TMPRSS9: variants seen among roughly 807,000 people sequenced by gnomAD.
TMPRSS9 encodes the protein transmembrane serine protease 9, also known as transmembrane protease serine 9.
Under a neutral mutation model 111.4 loss-of-function variants are expected in TMPRSS9, and 113 were observed. The ratio of observed to expected loss-of-function variants is 1.01; its 90% CI spans 0.87 to 1.19. TMPRSS9 has a LOEUF of 1.19. Among genes scored for constraint, TMPRSS9 ranks in the 50% most tolerant of loss-of-function variants. The probability of loss-of-function intolerance (pLI) is 0.00; values close to 1 mark genes in which losing one functional copy is unlikely to be tolerated. For missense variants in TMPRSS9, 1,803 were observed against 1,513.1 expected (o/e 1.19, Z -3.18); for synonymous variants, 805 against 659.1 (o/e 1.22, Z -3.39).
chr19:2,396,321 A>C (rs935781148), intron 1 of TMPRSS9: 1 of 509,702 alleles, frequency 2.0e-6, no homozygotes, highest in African/African-American at 1.9e-5. Flanking sequence ...GGTGGCTGTC[A>C]TAGAATTCGG....
At chr19:2,390,072 G>T (rs529417437) in intron 1 of TMPRSS9, 145 bp downstream of exon 2, 14 of 1,014,412 alleles carry the variant, frequency 1.4e-5, no homozygotes, top group South Asian at 3.3e-5. Context: ...TAGGCCAGGC[G>T]GGTGGGCGGG....
intron 10 of TMPRSS9, among the ~76,000 whole-genome samples, chr19:2,415,112 T>C (rs1971196708): frequency 6.6e-6 from 1 of 151,616 alleles, no homozygotes; most frequent in African/African-American, 2.4e-5. Context: ...GCTTGGCTAA[T>C]TTTTGTATTT....
chr19:2,416,804 G>T, exon 12 of TMPRSS9: 1 of 1,607,638 alleles, frequency 6.2e-7, no homozygotes. Flanking sequence ...ACGCAGGAAG[G>T]AAATGGTGAG....
chr19:2,367,656 C>G (rs534086172), intron 1 of TMPRSS9, among the ~76,000 whole-genome samples: 2 of 150,816 alleles, frequency 1.3e-5, no homozygotes, highest in Non-Finnish European at 3.0e-5. Flanking sequence ...TTCTGCCTCC[C>G]GGGTTGACAC....
At chr19:2,423,078 T>A (rs76596907) in intron 14 of TMPRSS9, among the ~76,000 whole-genome samples, 6 of 146,122 alleles carry the variant, frequency 4.1e-5, no homozygotes, top group African/African-American at 7.7e-5. Flanking sequence ...AAAAAAAAAA[T>A]GAAAGCAGGG....
chr19:2,392,175 C>T (rs1407944852), intron 1 of TMPRSS9, among the ~76,000 whole-genome samples: 4 of 151,636 alleles, frequency 2.6e-5, no homozygotes, highest in Non-Finnish European at 5.9e-5. Context: ...ATAGCAAGAC[C>T]CCATCTCTAC....
intron 13 of TMPRSS9, among the ~76,000 whole-genome samples, chr19:2,421,128 C>A (rs549033733): frequency 6.6e-6 from 1 of 151,110 alleles, no homozygotes; most frequent in Non-Finnish European, 1.5e-5. Flanking sequence ...ATCACTTGAA[C>A]CCAGGAGGTG....
intron 1 of TMPRSS9, among the ~76,000 whole-genome samples, chr19:2,375,302 A>T (rs1485626943): frequency 6.6e-6 from 1 of 152,208 alleles, no homozygotes; most frequent in Non-Finnish European, 1.5e-5. Flanking sequence ...AAGGATCCAA[A>T]AGAACTTGGT....
chr19:2,416,804 G>A (rs1290367791), exon 12 of TMPRSS9: 8 of 1,607,520 alleles, frequency 5.0e-6, no homozygotes, highest in African/African-American at 2.7e-5. Context: ...ACGCAGGAAG[G>A]AAATGGTGAG....
In TMPRSS9 at chr19:2,391,392, A is replaced by ATT. The variant is rs1159116597; in HGVS notation, c.142+1465_142+1466insTT. On this transcript the variant is annotated intron_variant, in intron 1 of 17. Coordinates refer to ENST00000648592, the Ensembl canonical transcript of TMPRSS9. ...TTTTTTTCTTTTTTCTTTTTTTTAAAAAATATTTGTGGAACTTCTGGAAAC... is the reference window on the plus strand; with the variant it reads ...TTTTTTTCTTTTTTCTTTTTTTTAAATTAAATATTTGTGGAACTTCTGGAAAC... Among the ~76,000 whole-genome samples, 21 of 140,760 alleles carry ATT rather than the reference A, an allele frequency of 1.5e-4. 1 individual carries two copies. The highest frequency in any genetic ancestry group is 6.6e-4 in the South Asian group (3 of 4,568). 92.3% of individuals were successfully genotyped at this position (140,760 alleles called of 152,430 possible). A position where few individuals can be genotyped will look rare whatever the true frequency, so the allele number is the denominator to read the frequency against.
At chr19:2,390,565 G>C (rs1407807850) in intron 1 of TMPRSS9, among the ~76,000 whole-genome samples, 1 of 149,276 alleles carries the variant, frequency 6.7e-6, no homozygotes, top group Non-Finnish European at 1.5e-5. Flanking sequence ...TTATAAAACC[G>C]AGCAACTGGG....
chr19:2,407,451 C>T (rs559883277), intron 7 of TMPRSS9, among the ~76,000 whole-genome samples: 28 of 151,676 alleles, frequency 1.8e-4, no homozygotes, highest in South Asian at 8.4e-4. Context: ...CACTTGAACC[C>T]GGGAGGTGGA....
At chr19:2,398,290 TG>T (rs1029487884) in intron 2 of TMPRSS9, among the ~76,000 whole-genome samples, 16 of 150,612 alleles carry the variant, frequency 1.1e-4, no homozygotes, top group African/African-American at 3.7e-4. Flanking sequence ...AGCAAGACTC[TG>T]TCTCAAAATA....
intron 14 of TMPRSS9, among the ~76,000 whole-genome samples, chr19:2,423,331 C>G (rs1971508860): frequency 2.0e-5 from 3 of 151,954 alleles, no homozygotes; most frequent in Admixed American, 6.6e-5. Flanking sequence ...AGGACAGCGG[C>G]TGCGGCTGCT....
chr19:2,363,293 C>T (rs574837413), intron 1 of TMPRSS9, among the ~76,000 whole-genome samples: 3 of 152,108 alleles, frequency 2.0e-5, no homozygotes. Flanking sequence ...TGTTGGTGGC[C>T]GGTTGCCCAG....
At chr19:2,394,490 G>C (rs753592122) in intron 1 of TMPRSS9, among the ~76,000 whole-genome samples, 3 of 152,174 alleles carry the variant, frequency 2.0e-5, no homozygotes, top group Non-Finnish European at 4.4e-5. Flanking sequence ...GAGGCGTTCT[G>C]AACTATTTCT....
At chr19:2,413,514 T>C (rs1344793252) in intron 9 of TMPRSS9, among the ~76,000 whole-genome samples, 186 bp from the exon 11 acceptor site, 1 of 151,906 alleles carries the variant, frequency 6.6e-6, no homozygotes, top group Non-Finnish European at 1.5e-5. Context: ...TTGGGTTTTG[T>C]TTTTTTTCCT....
chr19:2,373,357 A>G (rs759601586), intron 1 of TMPRSS9, among the ~76,000 whole-genome samples: 1 of 152,062 alleles, frequency 6.6e-6, no homozygotes, highest in Non-Finnish European at 1.5e-5. Context: ...CAGCCTCCCA[A>G]GTAGCTGGGA....
chr19:2,411,920 G>C (rs1971104313), intron 9 of TMPRSS9, among the ~76,000 whole-genome samples: 1 of 152,156 alleles, frequency 6.6e-6, no homozygotes, highest in Admixed American at 6.6e-5. Flanking sequence ...CTTGTTTGCA[G>C]TGTCCTGTTC....
Sources: gnomAD v4.1 joint callset for allele counts (sites outside exome capture counted in the v4.1 genomes callset) on GRCh38, gnomAD v4.1.1 for gene constraint, MANE v1.5 for transcripts, NCBI Gene and HGNC (gene_info 2026-07-23, HGNC 2026-07-21) for gene names.